The following CALD1 variants were observed in gnomAD, a reference collection of about 807,000 sequenced individuals.
CALD1 encodes caldesmon.
In CALD1, 33 loss-of-function variants were observed where a neutral mutation model predicts 99.9. The ratio of observed to expected loss-of-function variants is 0.33; its 90% CI spans 0.25 to 0.44. The LOEUF is 0.44. Ranked by LOEUF, CALD1 falls within the 20% of genes least tolerant of loss-of-function variation. The pLI is 1.00. For synonymous variants in CALD1, 310 were observed against 325.0 expected (o/e 0.95, Z 0.50); for missense variants, 861 against 962.1 (o/e 0.89, Z 1.39).
chr7:134,867,835 T>C (rs1226419709), intron 3 of CALD1, 31 bp downstream of exon 3: 28 of 1,422,394 alleles, frequency 2.0e-5, no homozygotes, highest in Non-Finnish European at 2.7e-5. Flanking sequence ...ATACTTGTAT[T>C]CCCTTATTAA....
chr7:134,891,336 G>A (rs1802153257), intron 3 of CALD1: 9 of 1,160,416 alleles, frequency 7.8e-6, no homozygotes, highest in Non-Finnish European at 9.7e-6. Flanking sequence ...AACATGATGG[G>A]CTTCTATTAG....
At chr7:134,893,709 A>G (rs1802364680) in intron 3 of CALD1, among the ~76,000 whole-genome samples, 1 of 152,096 alleles carries the variant, frequency 6.6e-6, no homozygotes. Context: ...TCTCACTCTA[A>G]TAACCTTTGC....
intron 6 of CALD1, among the ~76,000 whole-genome samples, chr7:134,938,045 T>C (rs1260831762): frequency 1.3e-5 from 2 of 152,118 alleles, no homozygotes; most frequent in African/African-American, 4.8e-5. Flanking sequence ...GCCCAAACAT[T>C]AGTGTGCATG....
chr7:134,804,687 ATTGTTTT>A (rs1426381349), intron 1 of CALD1, among the ~76,000 whole-genome samples: 1 of 152,198 alleles, frequency 6.6e-6, no homozygotes, highest in African/African-American at 2.4e-5. Flanking sequence ...TTAGAACTTA[ATTGTTTT>A]TAGTATCTTT....
the CALD1 span, among the ~76,000 whole-genome samples, chr7:134,734,142 A>C: frequency 1.2e-4 from 18 of 152,234 alleles, no homozygotes; most frequent in Non-Finnish European, 2.4e-4. Flanking sequence ...GGAGAGGGTC[A>C]CAGAGAAAAT....
intron 6 of CALD1, among the ~76,000 whole-genome samples, chr7:134,936,662 T>G (rs1806005105): frequency 6.6e-6 from 1 of 152,220 alleles, no homozygotes; most frequent in African/African-American, 2.4e-5. Context: ...GAAATCCATA[T>G]TTAGAAAACA....
At chr7:134,888,901 A>G (rs1802008698) in intron 3 of CALD1, among the ~76,000 whole-genome samples, 1 of 152,230 alleles carries the variant, frequency 6.6e-6, no homozygotes, top group Admixed American at 6.5e-5. Flanking sequence ...CTTTCTGTAC[A>G]TGGATTCTGC....
intron 2 of CALD1, among the ~76,000 whole-genome samples, chr7:134,858,408 G>A (rs1800411557): frequency 6.6e-6 from 1 of 152,092 alleles, no homozygotes; most frequent in Non-Finnish European, 1.5e-5. Flanking sequence ...TGAGAGCACA[G>A]CCATGCTTTG....
At chr7:134,965,455 G>A (rs931588134) in intron 14 of CALD1, 69 bp downstream of exon 14, 6 of 803,736 alleles carry the variant, frequency 7.5e-6, no homozygotes, top group Non-Finnish European at 1.3e-5. Flanking sequence ...ATAATGTCCT[G>A]GAGTCAGATG....
At chr7:134,935,892 A>C in intron 6 of CALD1, 127 bp downstream of exon 6, 1 of 850,634 alleles carries the variant, frequency 1.2e-6, no homozygotes, top group Non-Finnish European at 1.8e-6. Context: ...CATGACTCAC[A>C]GTCCACTGAA....
At chr7:134,712,565 G>C in the CALD1 span, among the ~76,000 whole-genome samples, 8 of 152,198 alleles carry the variant, frequency 5.3e-5, no homozygotes, top group Non-Finnish European at 1.2e-4. Flanking sequence ...ACAATCCCTG[G>C]AATGTCTTCT....
chr7:134,852,916 G>A (rs1800138911), intron 2 of CALD1, among the ~76,000 whole-genome samples: 1 of 152,140 alleles, frequency 6.6e-6, no homozygotes, highest in Admixed American at 6.5e-5. Context: ...GAGATGTTCT[G>A]CCACTGGGAT....
chr7:134,818,768 G>A (rs564076891), intron 1 of CALD1, among the ~76,000 whole-genome samples: 47 of 152,212 alleles, frequency 3.1e-4, no homozygotes, highest in Non-Finnish European at 5.9e-4. Flanking sequence ...CCACCATTGC[G>A]CCAGAGCTTC....
chr7:134,744,982 A>T (rs1162343889), intron 1 of CALD1, among the ~76,000 whole-genome samples: 1 of 152,176 alleles, frequency 6.6e-6, no homozygotes, highest in Non-Finnish European at 1.5e-5. Flanking sequence ...ACATTTATCT[A>T]ATCTCTTCTA....
At chr7:134,722,089 C>T in the CALD1 span, among the ~76,000 whole-genome samples, 1 of 152,268 alleles carries the variant, frequency 6.6e-6, no homozygotes, top group African/African-American at 2.4e-5. Flanking sequence ...CCTAGAATGG[C>T]TGGATCCTAA....
At chr7:134,750,258 G>GTCTCTCTC (rs35571307) in intron 1 of CALD1, among the ~76,000 whole-genome samples, 13 of 151,228 alleles carry the variant, frequency 8.6e-5, no homozygotes, top group Middle Eastern at 6.8e-3. Flanking sequence ...CAGGCTTGTG[G>GTCTCTCTC]TCTCTCTCTC....
At chr7:134,861,664 CCTGGCACATAGTAG>C (rs1374828373) in intron 2 of CALD1, among the ~76,000 whole-genome samples, 3 of 152,150 alleles carry the variant, frequency 2.0e-5, no homozygotes, top group Admixed American at 2.0e-4. Flanking sequence ...GAGAACAGTA[CCTGGCACATAGTAG>C]CTGTGCGGTA....
At chr7:134,753,815 C>A (rs534066987) in intron 1 of CALD1, among the ~76,000 whole-genome samples, 1 of 152,278 alleles carries the variant, frequency 6.6e-6, no homozygotes, top group East Asian at 1.9e-4. Context: ...GCTTCTGATA[C>A]CCAGATGCCG....
chr7:134,921,657 C>T (rs1804630885), intron 3 of CALD1, among the ~76,000 whole-genome samples: 1 of 152,046 alleles, frequency 6.6e-6, no homozygotes, highest in Non-Finnish European at 1.5e-5. Flanking sequence ...ACTAAAAATA[C>T]AAAAATTAAT....
Sources: gnomAD v4.1 joint callset for allele counts (sites outside exome capture counted in the v4.1 genomes callset) on GRCh38, gnomAD v4.1.1 for gene constraint, MANE v1.5 for transcripts, NCBI Gene and HGNC (gene_info 2026-07-23, HGNC 2026-07-21) for gene names.